ZNRF3: variants seen among roughly 807,000 people sequenced by gnomAD.
The protein encoded by ZNRF3 is E3 ubiquitin-protein ligase ZNRF3.
ZNRF3 carries 23 observed loss-of-function variants against 72.5 expected under a neutral mutation model. The observed-to-expected ratio is 0.32, with a 90% confidence interval of 0.23 to 0.45. The LOEUF (loss-of-function observed/expected upper bound fraction) is 0.45. Ranked by LOEUF, ZNRF3 falls within the 20% of genes least tolerant of loss-of-function variation. The probability of loss-of-function intolerance (pLI) is 1.00; values close to 1 mark genes in which losing one functional copy is unlikely to be tolerated. For synonymous variants in ZNRF3, 610 were observed against 545.3 expected (o/e 1.12, Z -1.65); for missense variants, 1,169 against 1,272.1 (o/e 0.92, Z 1.23).
chr22:28,943,094 C>A (rs1403989677), intron 1 of ZNRF3, among the ~76,000 whole-genome samples: 1 of 152,086 alleles, frequency 6.6e-6, no homozygotes, highest in Non-Finnish European at 1.5e-5. Context: ...ACCCTATTTC[C>A]CCCTTGTTGA....
In ZNRF3 at chr22:28,915,631, G is replaced by C. The variant is rs556284243; in HGVS notation, c.300+31565G>C. Among the ~76,000 whole-genome samples, 14 of 152,208 alleles carry C rather than the reference G, an allele frequency of 9.2e-5. No individual in the cohort carries two copies. The South Asian group carries it at 1.9e-3, about 20-fold the overall frequency. ...TCCCTCACCATCTTGGAATCTTCTG[G>C]ACTTGCCTTAGTTTTGGAAGGACAA... On this transcript the variant is annotated intron_variant, in intron 1 of 8. Coordinates refer to ENST00000544604, the MANE Select transcript of ZNRF3 (RefSeq NM_001206998.2).
At chr22:28,928,788 G>A (rs1470077416) in intron 1 of ZNRF3, among the ~76,000 whole-genome samples, 4 of 151,996 alleles carry the variant, frequency 2.6e-5, no homozygotes, top group African/African-American at 7.3e-5. Flanking sequence ...GAGCCACCGC[G>A]CCCGGCCCAG....
chr22:28,990,745 A>T (rs1405187167), intron 2 of ZNRF3, among the ~76,000 whole-genome samples: 1 of 152,130 alleles, frequency 6.6e-6, no homozygotes, highest in Non-Finnish European at 1.5e-5. Context: ...AAAGGAGTCT[A>T]TGTTTATGTC....
At chr22:28,965,150 A>G (rs1031442258) in intron 1 of ZNRF3, among the ~76,000 whole-genome samples, 1 of 152,194 alleles carries the variant, frequency 6.6e-6, no homozygotes. Context: ...CAGCCATCCT[A>G]GCACAGCTGG....
At chr22:29,024,976 C>CTTT (rs134554) in intron 2 of ZNRF3, 43,914 of 110,272 alleles carry the variant, frequency 0.4, 9,134 homozygotes, top group Non-Finnish European at 0.48. Flanking sequence ...CCCTGTGCTA[C>CTTT]TTTTTTTTTT....
At chr22:28,961,061 T>C (rs1470467411) in intron 1 of ZNRF3, among the ~76,000 whole-genome samples, 1 of 152,238 alleles carries the variant, frequency 6.6e-6, no homozygotes, top group Non-Finnish European at 1.5e-5. Flanking sequence ...AGAAATTTAT[T>C]TCTCACAGTT....
chr22:29,035,750 T>A (rs1039292936), intron 2 of ZNRF3, among the ~76,000 whole-genome samples: 22 of 152,242 alleles, frequency 1.4e-4, no homozygotes, highest in Non-Finnish European at 2.9e-4. Flanking sequence ...TAAATTTTTT[T>A]TTTTATTTTA....
At chr22:29,038,154 G>C (rs2036897708) in intron 2 of ZNRF3, among the ~76,000 whole-genome samples, 1 of 152,136 alleles carries the variant, frequency 6.6e-6, no homozygotes, top group African/African-American at 2.4e-5. Context: ...ATTTCTGGTG[G>C]CCACAAGACT....
intron 1 of ZNRF3, among the ~76,000 whole-genome samples, chr22:28,947,491 A>T (rs1369370842): frequency 6.6e-6 from 1 of 152,182 alleles, no homozygotes; most frequent in Non-Finnish European, 1.5e-5. Flanking sequence ...TGAGGATTCT[A>T]ATTTCTCCAT....
intron 1 of ZNRF3, among the ~76,000 whole-genome samples, chr22:28,940,854 G>GA (rs1262533978): frequency 6.6e-6 from 1 of 152,078 alleles, no homozygotes; most frequent in African/African-American, 2.4e-5. Flanking sequence ...CCCCCACCCA[G>GA]AAAAAAATTT....
chr22:28,929,854 A>T (rs2123776906), intron 1 of ZNRF3, among the ~76,000 whole-genome samples: 1 of 152,382 alleles, frequency 6.6e-6, no homozygotes, highest in Middle Eastern at 3.4e-3. Context: ...ATTAAAGCTT[A>T]TAAAAGGGAT....
Position 29,050,700 on chromosome 22 carries a change from T to C in ZNRF3, c.2519T>C (p.Leu840Pro). Reference protein sequence around the residue: ...PIIPEDVDCDLGLPSDCQGTH... With the variant: ...PIIPEDVDCDPGLPSDCQGTH... ...ATTCCAGAGGATGTGGACTGTGATCTGGGCCTGCCCTCGGACTGCCAAGGG... is the reference window on the plus strand; with the variant it reads ...ATTCCAGAGGATGTGGACTGTGATCCGGGCCTGCCCTCGGACTGCCAAGGG... The change falls in exon 8 of 9, where the codon CTG becomes CCG. Residue 840 changes from leucine (L) to proline (P), a missense_variant. Physicochemically the swap from Leu to Pro is moderately conservative, Grantham distance 98. Around this residue, in one of 2 missense-constraint regions of ZNRF3, gnomAD observed 783 missense variants for 731.4 expected, o/e 1.07. Coordinates refer to ENST00000544604, the MANE Select transcript of ZNRF3 (RefSeq NM_001206998.2). 6.2e-7 allele frequency: 1 copy of C among 1,612,196 alleles called. No homozygotes were observed. Among genetic ancestry groups the C allele is most frequent in the Non-Finnish European group, 8.5e-7 (1 of 1,179,512 alleles).
At chr22:28,951,255 C>G (rs1323717307) in intron 1 of ZNRF3, among the ~76,000 whole-genome samples, 1 of 152,146 alleles carries the variant, frequency 6.6e-6, no homozygotes, top group African/African-American at 2.4e-5. Flanking sequence ...ATGTTGAAAC[C>G]CTAACTCCCA....
At chr22:28,996,832 G>A (rs1387414254) in intron 2 of ZNRF3, among the ~76,000 whole-genome samples, 1 of 152,198 alleles carries the variant, frequency 6.6e-6, no homozygotes, top group Non-Finnish European at 1.5e-5. Context: ...ACGTAGAACA[G>A]GGCTTACCTG....
At chr22:29,024,594 T>TC (rs1436344431) in intron 2 of ZNRF3, among the ~76,000 whole-genome samples, 2 of 152,060 alleles carry the variant, frequency 1.3e-5, no homozygotes, top group African/African-American at 4.8e-5. Flanking sequence ...GCATGTAGGG[T>TC]CCCTAGTATA....
intron 5 of ZNRF3, among the ~76,000 whole-genome samples, chr22:29,046,478 CAG>C (rs2123884409): frequency 6.6e-6 from 1 of 152,288 alleles, no homozygotes; most frequent in South Asian, 2.1e-4. Context: ...GCCTTCAAAT[CAG>C]AGAGACCCCT....
At chr22:28,898,356 C>T (rs557585456) in intron 1 of ZNRF3, among the ~76,000 whole-genome samples, 2 of 152,024 alleles carry the variant, frequency 1.3e-5, no homozygotes, top group South Asian at 4.1e-4. Context: ...ATAGTCCAGA[C>T]TCTCAAAATA....
chr22:29,047,517 T>C (rs2037098137), intron 6 of ZNRF3, among the ~76,000 whole-genome samples: 1 of 152,348 alleles, frequency 6.6e-6, no homozygotes, highest in Non-Finnish European at 1.5e-5. Context: ...GAATAGTAGA[T>C]TCTTACACAG....
chr22:29,012,160 C>T (rs2036358697), intron 2 of ZNRF3, among the ~76,000 whole-genome samples: 1 of 152,194 alleles, frequency 6.6e-6, no homozygotes, highest in Non-Finnish European at 1.5e-5. Flanking sequence ...AGTTTCTTAA[C>T]TTCCAAAGGA....
Sources: gnomAD v4.1 joint callset for allele counts (sites outside exome capture counted in the v4.1 genomes callset) on GRCh38, gnomAD v4.1.1 for gene constraint, gnomAD v4.1.1 regional missense constraint, MANE v1.5 for transcripts, NCBI Gene and HGNC (gene_info 2026-07-23, HGNC 2026-07-21) for gene names.